GOLIM4: variants seen among roughly 807,000 people sequenced by gnomAD.
GOLIM4 encodes 130 kDa golgi-localized phosphoprotein.
GOLIM4 carries 71 observed loss-of-function variants against 107.4 expected under a neutral mutation model. The ratio of observed to expected loss-of-function variants is 0.66; its 90% CI spans 0.55 to 0.81. GOLIM4 has a LOEUF of 0.81. Ranked by LOEUF, GOLIM4 falls within the 30% of genes least tolerant of loss-of-function variation. The pLI is 0.00. For synonymous variants in GOLIM4, 327 were observed against 294.8 expected, an observed-to-expected ratio of 1.11 and a Z score of -1.12; for missense variants, 830 against 826.1, an observed-to-expected ratio of 1.00 and a Z score of -0.06.
intron 1 of GOLIM4, among the ~76,000 whole-genome samples, chr3:168,057,634 G>T (rs1335969759): frequency 1.3e-5 from 2 of 152,100 alleles, no homozygotes; most frequent in Admixed American, 6.5e-5. Flanking sequence ...CGACACATGG[G>T]GATTACAATT....
intron 1 of GOLIM4, among the ~76,000 whole-genome samples, chr3:168,065,840 G>T (rs1324913960): frequency 6.6e-6 from 1 of 152,174 alleles, no homozygotes. Flanking sequence ...GGGGTCCAGA[G>T]ATCTGGTTTA....
chr3:168,041,008 A>G, intron 6 of GOLIM4, 139 bp from the exon 7 acceptor site: 1 of 615,348 alleles, frequency 1.6e-6, no homozygotes, highest in Non-Finnish European at 2.9e-6. Context: ...TTTAAAAATC[A>G]TCGTAGAGAG....
At chr3:168,033,868 T>C (rs1718488889) in intron 8 of GOLIM4, among the ~76,000 whole-genome samples, 1 of 152,120 alleles carries the variant, frequency 6.6e-6, no homozygotes, top group Admixed American at 6.5e-5. Flanking sequence ...CAGTTCTCCC[T>C]ATAAGTTTCA....
intron 1 of GOLIM4, among the ~76,000 whole-genome samples, chr3:168,065,460 T>C (rs1177496182): frequency 6.6e-6 from 1 of 152,212 alleles, no homozygotes; most frequent in African/African-American, 2.4e-5. Flanking sequence ...CCCTGCCCCA[T>C]GCTTAAGGTG....
rs1261156372 is a variant in GOLIM4, at chr3:168,027,855, C to A, written c.1514-18G>T. On this transcript the variant is annotated intron_variant, in intron 11 of 15. Coordinates refer to ENST00000470487, the MANE Select transcript of GOLIM4 (RefSeq NM_014498.5). ...TTCATAGGCTAGCAAATCAAAGGAACTAAAATCAGCCCAAAATGAATCAAA... is the reference window on the plus strand; with the variant it reads ...TTCATAGGCTAGCAAATCAAAGGAAATAAAATCAGCCCAAAATGAATCAAA... 9 of 1,470,144 alleles carry A rather than the reference C, an allele frequency of 6.1e-6. No homozygotes were observed. The highest frequency in any genetic ancestry group is 8.6e-6 in the Non-Finnish European group (9 of 1,050,368). 91.1% of individuals were successfully genotyped at this position (1,470,144 alleles called of 1,614,324 possible).
At chr3:168,072,617 A>T (rs1720889256) in intron 1 of GOLIM4, among the ~76,000 whole-genome samples, 2 of 152,114 alleles carry the variant, frequency 1.3e-5, no homozygotes, top group Non-Finnish European at 2.9e-5. Flanking sequence ...CTAAAAATAA[A>T]ACCTCCCTAA....
intron 8 of GOLIM4, among the ~76,000 whole-genome samples, chr3:168,034,500 T>A (rs1466776710): frequency 6.6e-6 from 1 of 152,228 alleles, no homozygotes; most frequent in Non-Finnish European, 1.5e-5. Context: ...GTTGAAGGAA[T>A]ACCCTGAACA....
At chr3:168,075,289 T>G (rs947874605) in intron 1 of GOLIM4, among the ~76,000 whole-genome samples, 43 of 79,484 alleles carry the variant, frequency 5.4e-4, no homozygotes, top group Admixed American at 1.1e-3. Flanking sequence ...TTCACTAGTT[T>G]TTTTTTTTTT....
chr3:168,078,774 C>T (rs1271797353), intron 1 of GOLIM4, among the ~76,000 whole-genome samples: 1 of 152,032 alleles, frequency 6.6e-6, no homozygotes, highest in Non-Finnish European at 1.5e-5. Context: ...TTTAAAATGA[C>T]CCCTTTAGAA....
At chr3:168,074,419 C>T (rs901302491) in intron 1 of GOLIM4, among the ~76,000 whole-genome samples, 1 of 152,166 alleles carries the variant, frequency 6.6e-6, no homozygotes, top group East Asian at 1.9e-4. Flanking sequence ...TAAAGAGGAA[C>T]CAGTGATGAA....
chr3:168,011,766 A>AC lies in GOLIM4; in HGVS notation c.1861-944dup, dbSNP rs1244814352. Among the ~76,000 whole-genome samples, 8 of 134,534 alleles carry AC rather than the reference A, an allele frequency of 5.9e-5. 1 individual carries two copies. Among genetic ancestry groups the AC allele is most frequent in the Non-Finnish European group, 8.9e-5 (6 of 67,228 alleles). The allele number at this position is 134,534 out of a possible 152,430, so 88.3% of individuals were successfully genotyped here. ...CCCCTGAGCAGCCTAACTGGGAGGC[A>AC]CCCCCCAGCAGGAGCACACTGACAC... On this transcript the variant is annotated intron_variant, in intron 14 of 15. Coordinates refer to ENST00000470487, the MANE Select transcript of GOLIM4 (RefSeq NM_014498.5).
chr3:168,047,108 TA>T, intron 2 of GOLIM4, 109 bp from the exon 3 acceptor site: 1 of 557,874 alleles, frequency 1.8e-6, no homozygotes, highest in Non-Finnish European at 3.2e-6. Context: ...GTTTTAGGTT[TA>T]AAACAATCTA....
chr3:168,029,865 G>A lies in GOLIM4; in HGVS notation c.1348C>T (p.Gln450Ter), dbSNP rs1718213325. 6.2e-7 allele frequency: 1 copy of A among 1,614,056 alleles called. No homozygotes were observed. The highest frequency in any genetic ancestry group is 8.5e-7 in the Non-Finnish European group (1 of 1,180,012). The change falls in exon 10 of 16, where the codon CAG (glutamine) becomes TAG (stop). Residue 450 changes from glutamine to a stop codon, truncating the protein, a stop_gained. Transcript: ENST00000470487. LOFTEE classifies it high-confidence loss of function. The part of the protein sequence containing the change: ...QGHLLRQQEQ[Q>*]QQQVAREMAL... ...ATCTCTCTTGCCACCTGCTGCTGCTGCTGTTCCTGCTGCCGTAGTAAGTGC... is the reference window on the plus strand; with the variant it reads ...ATCTCTCTTGCCACCTGCTGCTGCTACTGTTCCTGCTGCCGTAGTAAGTGC...
intron 1 of GOLIM4, among the ~76,000 whole-genome samples, chr3:168,079,681 A>G (rs2108287262): frequency 6.6e-6 from 1 of 152,292 alleles, no homozygotes; most frequent in African/African-American, 2.4e-5. Flanking sequence ...CTTATCATTT[A>G]GATAACTAAA....
At chr3:168,013,821 A>C (rs111961729) in intron 14 of GOLIM4, among the ~76,000 whole-genome samples, 2 of 151,388 alleles carry the variant, frequency 1.3e-5, no homozygotes, top group Non-Finnish European at 2.9e-5. Context: ...GGCAGAAATA[A>C]AGATGTTCTT....
At chr3:168,035,683 G>T (rs1718607157) in intron 8 of GOLIM4, among the ~76,000 whole-genome samples, 1 of 152,152 alleles carries the variant, frequency 6.6e-6, no homozygotes, top group African/African-American at 2.4e-5. Context: ...TAGCTAATGG[G>T]TACTAGGCTA....
chr3:168,031,088 T>G (rs1718307411), intron 9 of GOLIM4, among the ~76,000 whole-genome samples: 1 of 152,114 alleles, frequency 6.6e-6, no homozygotes, highest in African/African-American at 2.4e-5. Flanking sequence ...AGTGAAAAAC[T>G]TCAAGCACAG....
At chr3:168,068,836 T>A (rs1720685166) in intron 1 of GOLIM4, among the ~76,000 whole-genome samples, 1 of 149,920 alleles carries the variant, frequency 6.7e-6, no homozygotes, top group Non-Finnish European at 1.5e-5. Context: ...TATTTTATTT[T>A]ATTTTTTTTT....
At chr3:168,019,110 A>G (rs1390341389) in intron 14 of GOLIM4, among the ~76,000 whole-genome samples, 2 of 152,204 alleles carry the variant, frequency 1.3e-5, no homozygotes, top group Non-Finnish European at 2.9e-5. Context: ...AACATATACT[A>G]TGGAGTCAGA....
Sources: gnomAD v4.1 joint callset for allele counts (sites outside exome capture counted in the v4.1 genomes callset) on GRCh38, gnomAD v4.1.1 for gene constraint, MANE v1.5 for transcripts, NCBI Gene and HGNC (gene_info 2026-07-23, HGNC 2026-07-21) for gene names.